The following KCNQ3 variants were observed in gnomAD, a reference collection of about 807,000 sequenced individuals.
KCNQ3 encodes the protein potassium voltage-gated channel subfamily Q member 3.
In KCNQ3, 30 loss-of-function variants were observed where a neutral mutation model predicts 92.5. The ratio of observed to expected loss-of-function variants is 0.32; its 90% CI spans 0.24 to 0.44. KCNQ3 has a LOEUF of 0.44. Ranked by LOEUF, KCNQ3 falls within the 20% of genes least tolerant of loss-of-function variation. The pLI is 1.00. For missense variants in KCNQ3, 913 were observed against 1,140.3 expected, an observed-to-expected ratio of 0.80 and a Z score of 2.87; for synonymous variants, 450 against 468.8, an observed-to-expected ratio of 0.96 and a Z score of 0.52.
At position 132,442,601 on chromosome 8, in the gene KCNQ3, T is replaced by A. The variant is rs1821565948; in HGVS notation, c.386+37546A>T. 2.6e-5 allele frequency among the ~76,000 whole-genome samples: 4 copies of A among 152,120 alleles called. No individual in the cohort carries two copies. In the South Asian group the frequency reaches 8.3e-4, roughly 32 times the overall value. ...ATGGCAAACTTCTCAAACTCTAGCT[T>A]CCAACAAGGTGGGCCAGATTTTCTC... On this transcript the variant is annotated intron_variant, in intron 1 of 14. Transcript: ENST00000388996.
At chr8:132,150,214 G>A (rs866084103) in intron 9 of KCNQ3, among the ~76,000 whole-genome samples, 1 of 152,154 alleles carries the variant, frequency 6.6e-6, no homozygotes, top group Non-Finnish European at 1.5e-5. Flanking sequence ...TGCTTTGCAC[G>A]TCTTTCTGTA....
At chr8:132,181,305 T>TA (rs1181352993) in intron 3 of KCNQ3, among the ~76,000 whole-genome samples, 1 of 152,082 alleles carries the variant, frequency 6.6e-6, no homozygotes, top group Non-Finnish European at 1.5e-5. Flanking sequence ...AGTTACCAAG[T>TA]AAAAAAGACC....
At chr8:132,137,472 G>A (rs1184485111) in intron 12 of KCNQ3, among the ~76,000 whole-genome samples, 1 of 152,172 alleles carries the variant, frequency 6.6e-6, no homozygotes, top group Non-Finnish European at 1.5e-5. Flanking sequence ...AGGCATTGAT[G>A]CTATTTCCAT....
At chr8:132,184,389 G>C (rs1051429961) in intron 2 of KCNQ3, 22 bp from the exon 3 acceptor site, 2 of 1,613,544 alleles carry the variant, frequency 1.2e-6, no homozygotes, top group Non-Finnish European at 1.7e-6. Flanking sequence ...AGCATATGGA[G>C]AGGCACTGAT....
chr8:132,270,178 A>G (rs1207305246), intron 1 of KCNQ3, among the ~76,000 whole-genome samples: 1 of 152,194 alleles, frequency 6.6e-6, no homozygotes, highest in Admixed American at 6.5e-5. Context: ...TGCCAAAGTA[A>G]TCAAAGAAAA....
intron 1 of KCNQ3, among the ~76,000 whole-genome samples, chr8:132,476,660 T>C (rs1489991130): frequency 6.6e-6 from 1 of 152,236 alleles, no homozygotes; most frequent in African/African-American, 2.4e-5. Context: ...CCATTGTATC[T>C]TGGAAGTAAC....
At position 132,127,974 on chromosome 8, in the gene KCNQ3, T is replaced by C. The variant is rs1824725455; in HGVS notation, c.*1288A>G. The C allele has an allele frequency of 6.6e-6, 1 of 152,248 alleles. No individual in the cohort carries two copies. Among genetic ancestry groups the C allele is most frequent in the Non-Finnish European group, 1.5e-5 (1 of 68,044 alleles). 9.4% of individuals were successfully genotyped at this position (152,248 alleles called of 1,614,324 possible). ...TGGACGGTTCTGGAAATTTTGCCTG[T>C]TTACACATCTGTAAATGTAGCTTGC... On this transcript the variant is annotated 3_prime_UTR_variant, in exon 15 of 15. Transcript: ENST00000388996.
intron 1 of KCNQ3, among the ~76,000 whole-genome samples, chr8:132,255,472 T>C (rs980229314): frequency 6.6e-6 from 1 of 152,210 alleles, no homozygotes; most frequent in Admixed American, 6.5e-5. Flanking sequence ...ACAGGGATTT[T>C]CCTACATATT....
chr8:132,285,794 T>G (rs562347275), intron 1 of KCNQ3, among the ~76,000 whole-genome samples: 3 of 152,264 alleles, frequency 2.0e-5, no homozygotes, highest in Admixed American at 2.0e-4. Context: ...CCCAGAAGCC[T>G]AAGAGGGCAG....
At chr8:132,205,485 T>G (rs1356633876) in intron 1 of KCNQ3, among the ~76,000 whole-genome samples, 1 of 152,216 alleles carries the variant, frequency 6.6e-6, no homozygotes, top group Non-Finnish European at 1.5e-5. Context: ...GAGCACCTAC[T>G]ATAGGCATTT....
At chr8:132,457,246 T>A (rs898993408) in intron 1 of KCNQ3, among the ~76,000 whole-genome samples, 2 of 152,210 alleles carry the variant, frequency 1.3e-5, no homozygotes, top group Admixed American at 1.3e-4. Flanking sequence ...TCCTGCCCCA[T>A]GAGGAACAGT....
At chr8:132,356,161 T>C (rs564032839) in intron 1 of KCNQ3, among the ~76,000 whole-genome samples, 3 of 152,330 alleles carry the variant, frequency 2.0e-5, no homozygotes, top group Non-Finnish European at 2.9e-5. Flanking sequence ...GGAGGCTCCA[T>C]GAATATTAGT....
At chr8:132,445,993 A>G (rs1401619785) in intron 1 of KCNQ3, among the ~76,000 whole-genome samples, 2 of 152,168 alleles carry the variant, frequency 1.3e-5, no homozygotes, top group Admixed American at 1.3e-4. Context: ...TACCTTGCAC[A>G]ATGCTGGGCA....
chr8:132,149,070 G>T (rs115020126), intron 9 of KCNQ3, among the ~76,000 whole-genome samples: 2,542 of 152,328 alleles, frequency 0.017, 78 homozygotes, highest in African/African-American at 0.059. Flanking sequence ...TAGAAACAAA[G>T]ATTTGCCGTT....
chr8:132,400,025 A>C (rs1485588724), intron 1 of KCNQ3, among the ~76,000 whole-genome samples: 1 of 152,216 alleles, frequency 6.6e-6, no homozygotes, highest in Non-Finnish European at 1.5e-5. Context: ...TAGGTGCAGG[A>C]GAACGTAACC....
Position 132,480,966 on chromosome 8 carries a change from G to A in KCNQ3, c.-434C>T, listed in dbSNP as rs1452904989. The A allele has an allele frequency of 1.4e-5, 2 of 143,260 alleles. No individual in the cohort carries two copies. Among genetic ancestry groups the A allele is most frequent in the Non-Finnish European group, 3.1e-5 (2 of 65,560 alleles). 8.9% of individuals were successfully genotyped at this position (143,260 alleles called of 1,614,324 possible). A position where few individuals can be genotyped will look rare whatever the true frequency, so the allele number is the denominator to read the frequency against. ...CCCGGTGCCAGCCGCCCTCCCGCCC[G>A]CCAGCCACACGCGCCGCCGCCGCCG... On this transcript the variant is annotated 5_prime_UTR_variant, in exon 1 of 15. Transcript: ENST00000388996.
intron 1 of KCNQ3, among the ~76,000 whole-genome samples, chr8:132,344,180 C>T (rs1232864461): frequency 1.3e-5 from 2 of 152,180 alleles, no homozygotes; most frequent in Non-Finnish European, 2.9e-5. Flanking sequence ...ATCCAGGTTG[C>T]AAGGAAATCT....
intron 14 of KCNQ3, among the ~76,000 whole-genome samples, 153 bp downstream of exon 14, chr8:132,132,027 G>C: frequency 6.6e-6 from 1 of 151,992 alleles, no homozygotes. Flanking sequence ...GGCAGAGGTT[G>C]CAGTGAGTCA....
At chr8:132,364,957 T>A (rs1819277900) in intron 1 of KCNQ3, among the ~76,000 whole-genome samples, 1 of 152,170 alleles carries the variant, frequency 6.6e-6, no homozygotes, top group African/African-American at 2.4e-5. Context: ...GTGCTAACTT[T>A]ATCAGAATCA....
Sources: allele counts gnomAD v4.1 joint callset (sites outside exome capture counted in the v4.1 genomes callset), GRCh38; gene constraint gnomAD v4.1.1; transcripts MANE v1.5; gene names NCBI Gene and HGNC (gene_info 2026-07-23, HGNC 2026-07-21).